Variants in NUMB observed in about 807,000 individuals in gnomAD.
NUMB encodes the protein protein numb homolog.
A neutral mutation model predicts 59.7 loss-of-function variants in NUMB; 29 were observed. The ratio of observed to expected loss-of-function variants is 0.49; its 90% CI spans 0.36 to 0.66. The LOEUF (loss-of-function observed/expected upper bound fraction) is 0.66, where lower values mean the gene tolerates loss of function less well. Ranked by LOEUF, NUMB falls within the 30% of genes least tolerant of loss-of-function variation. NUMB has a pLI of 0.00. For missense variants in NUMB, 723 were observed against 822.0 expected (o/e 0.88, Z 1.47); for synonymous variants, 288 against 288.2 (o/e 1.00, Z 0.01).
At chr14:73,357,623 C>G (rs1366525932) in intron 3 of NUMB, among the ~76,000 whole-genome samples, 3 of 151,486 alleles carry the variant, frequency 2.0e-5, no homozygotes, top group Non-Finnish European at 4.4e-5. Context: ...ATTAGTTGGG[C>G]GTGGTGGCAC....
chr14:73,299,141 C>G (rs987986866), intron 6 of NUMB: 1 of 152,104 alleles, frequency 6.6e-6, no homozygotes, highest in African/African-American at 2.4e-5. Flanking sequence ...AAGCAAACAA[C>G]ATGGCAAGTC....
intron 5 of NUMB, among the ~76,000 whole-genome samples, chr14:73,318,371 T>A (rs1442054573): frequency 6.6e-6 from 1 of 152,254 alleles, no homozygotes; most frequent in African/African-American, 2.4e-5. Context: ...ACATTTGTTA[T>A]GATTCTTTTA....
chr14:73,376,482 A>T (rs762819953), intron 2 of NUMB, among the ~76,000 whole-genome samples: 2 of 152,010 alleles, frequency 1.3e-5, no homozygotes, highest in Non-Finnish European at 2.9e-5. Flanking sequence ...CAAAATCCCG[A>T]CAAGTTATTT....
At chr14:73,409,349 C>G (rs1181489414) in intron 2 of NUMB, 1 of 152,252 alleles carries the variant, frequency 6.6e-6, no homozygotes, top group Non-Finnish European at 1.5e-5. Flanking sequence ...AGGCACCATG[C>G]TGTGAAGAAG....
At position 73,300,298 on chromosome 14, in the gene NUMB, G is replaced by A. The variant is rs1015442245; in HGVS notation, c.235-3013C>T. Among the ~76,000 whole-genome samples, 3 of 152,126 alleles carry A rather than the reference G, an allele frequency of 2.0e-5. No individual in the cohort carries two copies. In the East Asian group the frequency reaches 5.8e-4, roughly 29 times the overall value. On this transcript the variant is annotated intron_variant, in intron 6 of 12. Transcript: ENST00000555238. ...GGAGAGATGTCCATTCCTATGAAAT[G>A]GAGGGATAAAGTGAGGCCGAGTAGA...
At chr14:73,394,866 G>A (rs750651558) in intron 2 of NUMB, among the ~76,000 whole-genome samples, 2 of 151,608 alleles carry the variant, frequency 1.3e-5, no homozygotes, top group Admixed American at 6.6e-5. Flanking sequence ...ATTCTTTCAT[G>A]TTTATATTCA....
At chr14:73,316,461 A>T (rs549601635) in intron 5 of NUMB, 39 bp from the exon 6 acceptor site, 2 of 1,590,438 alleles carry the variant, frequency 1.3e-6, no homozygotes, top group South Asian at 2.2e-5. Context: ...CTATTATTGT[A>T]TGGCCTAAAT....
chr14:73,452,436 C>T (rs1425983767), intron 1 of NUMB, among the ~76,000 whole-genome samples: 1 of 152,094 alleles, frequency 6.6e-6, no homozygotes, highest in Non-Finnish European at 1.5e-5. Flanking sequence ...AGAAGGATCA[C>T]CTGAGCCCAG....
chr14:73,323,227 G>A (rs1156231721), intron 4 of NUMB, 23 bp from the exon 5 acceptor site: 1 of 1,539,892 alleles, frequency 6.5e-7, no homozygotes, highest in African/African-American at 1.4e-5. Flanking sequence ...GGAAAAGTTA[G>A]GGCTATTGCT....
rs187825607 is a variant in NUMB, at chr14:73,425,725, T to C, written c.-232-15657A>G. 1.2e-3 allele frequency among the ~76,000 whole-genome samples: 178 copies of C among 152,202 alleles called. 1 individual carries two copies. Among genetic ancestry groups the C allele is most frequent in the Non-Finnish European group, 1.9e-3 (130 of 68,010 alleles). On this transcript the variant is annotated intron_variant, in intron 1 of 12. Coordinates refer to ENST00000555238, the MANE Select transcript of NUMB (RefSeq NM_001005743.2). ...AGGCACTGTTCTAAGAATTTACATA[T>C]AAATGTGTATAAGTGTGTATAATCT...
intron 2 of NUMB, among the ~76,000 whole-genome samples, chr14:73,375,510 C>G (rs1239781875): frequency 2.6e-5 from 4 of 152,100 alleles, no homozygotes; most frequent in African/African-American, 9.7e-5. Context: ...ATATTAAATT[C>G]CATATTGCTA....
intron 4 of NUMB, among the ~76,000 whole-genome samples, chr14:73,332,821 C>T (rs889406349): frequency 3.5e-5 from 2 of 56,800 alleles, no homozygotes; most frequent in Admixed American, 1.9e-4. Context: ...TATGGATTTA[C>T]CTATCCTGGA....
intron 1 of NUMB, among the ~76,000 whole-genome samples, chr14:73,435,643 G>A (rs1312810726): frequency 6.6e-6 from 1 of 151,922 alleles, no homozygotes; most frequent in Non-Finnish European, 1.5e-5. Context: ...ATTCACCCAA[G>A]AGAAATGAAA....
chr14:73,406,908 G>A (rs2140127454), intron 2 of NUMB, among the ~76,000 whole-genome samples: 1 of 152,250 alleles, frequency 6.6e-6, no homozygotes, highest in East Asian at 1.9e-4. Flanking sequence ...AGAAGTGTCT[G>A]TTCATATCCT....
Position 73,297,198 on chromosome 14 carries a change from TAAAG to T in NUMB, c.309+9_309+12del, listed in dbSNP as rs746428560. Reference sequence around the variant, plus strand: ...AAAATAAAATAAATCAAAATAAAAATAAAGAATCTTACCTTAGTTTTTTCATCCA... The same window carrying T: ...AAAATAAAATAAATCAAAATAAAAATAATCTTACCTTAGTTTTTTCATCCA... On this transcript the variant is annotated intron_variant, in intron 7 of 12. Transcript: ENST00000555238. 10 of 1,528,370 alleles carry T rather than the reference TAAAG, an allele frequency of 6.5e-6. No homozygotes were observed. Among genetic ancestry groups the T allele is most frequent in the Admixed American group, 1.7e-5 (1 of 58,072 alleles). 94.7% of individuals were successfully genotyped at this position (1,528,370 alleles called of 1,614,324 possible).
chr14:73,359,778 G>A (rs1408568917), intron 3 of NUMB, among the ~76,000 whole-genome samples: 2 of 152,156 alleles, frequency 1.3e-5, no homozygotes, highest in African/African-American at 2.4e-5. Context: ...AAACAGCTCT[G>A]CTTCCCTTTA....
intron 2 of NUMB, among the ~76,000 whole-genome samples, chr14:73,374,429 A>G (rs574815201): frequency 3.2e-4 from 49 of 152,334 alleles, no homozygotes; most frequent in Non-Finnish European, 5.9e-4. Context: ...GTCCAAGGAT[A>G]GCCCACAGGA....
rs529130491 is a variant in NUMB at position 73,360,451 on chromosome 14, G to A, written c.-15-4685C>T. On this transcript the variant is annotated intron_variant, in intron 3 of 12. Coordinates refer to ENST00000555238, the MANE Select transcript of NUMB (RefSeq NM_001005743.2). Reference sequence around the variant, plus strand: ...CGGGCACCTTGTAGCCCAGCTACTCGGGAGGCTGAGGCAGGAGTATCACTT... The same window carrying A: ...CGGGCACCTTGTAGCCCAGCTACTCAGGAGGCTGAGGCAGGAGTATCACTT... Among the ~76,000 whole-genome samples the A allele has an allele frequency of 2.6e-5, 4 of 152,224 alleles. No homozygotes were observed. In the South Asian group the frequency reaches 6.2e-4, roughly 24 times the overall value.
chr14:73,362,925 G>T (rs1401950055), intron 3 of NUMB, among the ~76,000 whole-genome samples: 3 of 152,038 alleles, frequency 2.0e-5, no homozygotes, highest in Non-Finnish European at 4.4e-5. Context: ...GAGGCAGGAG[G>T]ATCGTTTGAG....
Sources: gnomAD v4.1 joint callset for allele counts (sites outside exome capture counted in the v4.1 genomes callset) on GRCh38, gnomAD v4.1.1 for gene constraint, MANE v1.5 for transcripts, NCBI Gene and HGNC (gene_info 2026-07-23, HGNC 2026-07-21) for gene names.